The following RXRG variants were observed in gnomAD, a reference collection of about 807,000 sequenced individuals.
The protein encoded by RXRG is retinoid X receptor gamma.
A neutral mutation model predicts 49.2 loss-of-function variants in RXRG; 19 were observed. The observed-to-expected ratio is 0.39, with a 90% CI of 0.27 to 0.57. RXRG has a LOEUF of 0.57. RXRG is among the 20% of genes least tolerant of loss of function. The pLI, the probability that RXRG is intolerant of heterozygous loss-of-function variation, is 0.64. For synonymous variants in RXRG, 224 were observed against 216.6 expected (o/e 1.03, Z -0.30); for missense variants, 452 against 592.5 (o/e 0.76, Z 2.46).
intron 2 of RXRG, among the ~76,000 whole-genome samples, chr1:165,422,416 T>G (rs1352157735): frequency 6.6e-6 from 1 of 152,230 alleles, no homozygotes; most frequent in East Asian, 1.9e-4. Flanking sequence ...AAAGTCAGTT[T>G]GGATCATTCA....
chr1:165,437,739 G>C (rs1280841777), intron 1 of RXRG, among the ~76,000 whole-genome samples: 1 of 152,142 alleles, frequency 6.6e-6, no homozygotes, highest in Non-Finnish European at 1.5e-5. Flanking sequence ...GGACTAACTG[G>C]TACATGATGT....
At position 165,411,058 on chromosome 1, in the gene RXRG, T is replaced by G. The variant is rs768272132; in HGVS notation, c.674A>C (p.Glu225Ala). The G allele has an allele frequency of 6.2e-7, 1 of 1,614,146 alleles. No homozygotes were observed. Among genetic ancestry groups the G allele is most frequent in the African/African-American group, 1.3e-5 (1 of 75,050 alleles). ...RSRERAESEA[E>A]CATSGHEDMP... ...GTCTTCATGACCACTGGTAGCACAT[T>G]CTGCCTCACTCTCAGCTCGCTCTCG... Residue 225 changes from glutamate (E) to alanine (A), a missense_variant, in exon 5 of 10, where the codon GAA (glutamate) becomes GCA (alanine). Physicochemically the swap from Glu to Ala is moderately radical, Grantham distance 107. This residue lies in a region of RXRG where 286 missense variants were observed against 440.9 expected (regional missense o/e 0.65). Coordinates refer to ENST00000359842, the MANE Select transcript of RXRG (RefSeq NM_006917.5).
intron 9 of RXRG, among the ~76,000 whole-genome samples, chr1:165,404,734 G>A (rs546389734): frequency 1.3e-5 from 2 of 152,158 alleles, no homozygotes; most frequent in East Asian, 3.9e-4. Context: ...TTTACAATAA[G>A]TTCTTATTAC....
chr1:165,411,077 G>A lies in RXRG; in HGVS notation c.655C>T (p.Arg219Ter). Residue 219 changes from arginine to a stop codon, truncating the protein, a stop_gained, in exon 5 of 10, where the codon CGA (arginine) becomes TGA (stop). Coordinates refer to ENST00000359842, the MANE Select transcript of RXRG (RefSeq NM_006917.5). LOFTEE classifies it high-confidence loss of function. ...VQEERQRSRE[R>*]AESEAECATS... ...GCACATTCTGCCTCACTCTCAGCTC[G>A]CTCTCGGCTCCTCTGTCTTTCTTCT... 6.2e-7 allele frequency: 1 copy of A among 1,614,040 alleles called. No individual in the cohort carries two copies. The highest frequency in any genetic ancestry group is 8.5e-7 in the Non-Finnish European group (1 of 1,179,982).
chr1:165,425,622 T>C (rs569912818), intron 2 of RXRG, among the ~76,000 whole-genome samples: 7 of 152,230 alleles, frequency 4.6e-5, no homozygotes, highest in African/African-American at 9.7e-5. Context: ...TCATACATTA[T>C]GAAGCATAGG....
chr1:165,445,075 A>G lies in RXRG; in HGVS notation c.-182T>C. On this transcript the variant is annotated 5_prime_UTR_variant, in exon 1 of 10. Transcript: ENST00000359842. ...GGATTAGTCAGGAATCTGCCTCTAG[A>G]TCGGAGAGTCCACATAGTGCGTTTG... is the stretch of plus-strand genomic sequence containing the variant. 1 of 618,100 alleles carries G rather than the reference A, an allele frequency of 1.6e-6. No homozygotes were observed. The highest frequency in any genetic ancestry group is 2.9e-6 in the Non-Finnish European group (1 of 342,596). 38.3% of individuals were successfully genotyped at this position (618,100 alleles called of 1,614,324 possible). A position where few individuals can be genotyped will look rare whatever the true frequency, so the allele number is the denominator to read the frequency against.
In RXRG at chr1:165,411,116, T is replaced by A; in HGVS notation, c.623-7A>T. 6.2e-7 allele frequency: 1 copy of A among 1,613,470 alleles called. No homozygotes were observed. The highest frequency in any genetic ancestry group is 8.5e-7 in the Non-Finnish European group (1 of 1,179,732). ...TGTCTTTCTTCTTGCACAGCTGACA[T>A]GCAGCAGGACATGCAGAGGTTACCA... On this transcript the variant is annotated splice_region_variant and splice_polypyrimidine_tract_variant and intron_variant, in intron 4 of 9. Transcript: ENST00000359842.
chr1:165,409,174 C>G (rs1657853860), intron 7 of RXRG, among the ~76,000 whole-genome samples: 1 of 152,090 alleles, frequency 6.6e-6, no homozygotes, highest in African/African-American at 2.4e-5. Context: ...CCATCCTTGG[C>G]CCCCAGGATA....
intron 2 of RXRG, among the ~76,000 whole-genome samples, chr1:165,425,682 G>A (rs967334438): frequency 1.3e-4 from 20 of 152,166 alleles, no homozygotes; most frequent in African/African-American, 4.3e-4. Context: ...ATAAATACAT[G>A]TACACCCCCA....
intron 4 of RXRG, among the ~76,000 whole-genome samples, chr1:165,411,800 C>A (rs1168286798): frequency 6.6e-6 from 1 of 152,146 alleles, no homozygotes; most frequent in African/African-American, 2.4e-5. Flanking sequence ...AGGTTCAGTG[C>A]AACTCTCAGA....
chr1:165,436,766 C>A (rs546128834), intron 1 of RXRG, among the ~76,000 whole-genome samples: 13 of 152,140 alleles, frequency 8.5e-5, no homozygotes, highest in Non-Finnish European at 1.5e-4. Flanking sequence ...CCCTCCATTT[C>A]CTCAAATGCA....
intron 1 of RXRG, among the ~76,000 whole-genome samples, chr1:165,440,621 G>A (rs2101749331): frequency 6.6e-6 from 1 of 152,198 alleles, no homozygotes; most frequent in South Asian, 2.1e-4. Flanking sequence ...GAGGATCACT[G>A]AGCCAGGGCT....
chr1:165,407,187 A>G (rs571975656), intron 8 of RXRG, among the ~76,000 whole-genome samples: 1 of 152,314 alleles, frequency 6.6e-6, no homozygotes, highest in East Asian at 1.9e-4. Context: ...TATCCGGACC[A>G]TTCTCGAAAT....
At chr1:165,426,835 G>A (rs1378633299) in intron 2 of RXRG, among the ~76,000 whole-genome samples, 1 of 152,174 alleles carries the variant, frequency 6.6e-6, no homozygotes, top group Non-Finnish European at 1.5e-5. Flanking sequence ...GAGTCAGTGA[G>A]CTGGAGACCC....
At chr1:165,444,386 G>C (rs942713720) in intron 1 of RXRG, among the ~76,000 whole-genome samples, 3 of 152,136 alleles carry the variant, frequency 2.0e-5, no homozygotes, top group African/African-American at 7.2e-5. Flanking sequence ...AAACAATCAT[G>C]CCCTTGTTAC....
chr1:165,418,782 T>C (rs2101721946), intron 3 of RXRG, among the ~76,000 whole-genome samples: 1 of 152,364 alleles, frequency 6.6e-6, no homozygotes, highest in South Asian at 2.1e-4. Flanking sequence ...CCTCATAGAC[T>C]TTCAACTAGA....
intron 2 of RXRG, among the ~76,000 whole-genome samples, chr1:165,428,405 T>A (rs997878051): frequency 6.6e-6 from 1 of 152,198 alleles, no homozygotes; most frequent in Admixed American, 6.5e-5. Flanking sequence ...CATGATTGAA[T>A]TGAGAAGAAT....
intron 1 of RXRG, among the ~76,000 whole-genome samples, chr1:165,439,367 A>C (rs1189395066): frequency 2.0e-5 from 3 of 151,920 alleles, no homozygotes; most frequent in Non-Finnish European, 4.4e-5. Context: ...CCCTTCCTTC[A>C]AGCACCGGAA....
chr1:165,412,654 A>G lies in RXRG; in HGVS notation c.623-1545T>C, dbSNP rs147096954. 4.7e-3 allele frequency among the ~76,000 whole-genome samples: 714 copies of G among 152,310 alleles called. 4 individuals carry two copies. Among genetic ancestry groups the G allele is most frequent in the African/African-American group, 0.016 (680 of 41,566 alleles). On this transcript the variant is annotated intron_variant, in intron 4 of 9. Transcript: ENST00000359842. ...ATAATATCGTAAGGATGAATGAAGC[A>G]ATTATAAAAACTCAATACAAATAGT...
Sources: gnomAD v4.1 joint callset for allele counts (sites outside exome capture counted in the v4.1 genomes callset) on GRCh38, gnomAD v4.1.1 for gene constraint, gnomAD v4.1.1 regional missense constraint, MANE v1.5 for transcripts, NCBI Gene and HGNC (gene_info 2026-07-23, HGNC 2026-07-21) for gene names.